The following WNK1 variants were observed in gnomAD, a reference collection of about 807,000 sequenced individuals.
WNK1 encodes the protein serine/threonine-protein kinase WNK1.
A neutral mutation model predicts 222.8 loss-of-function variants in WNK1; 38 were observed. The ratio of observed to expected loss-of-function variants is 0.17; its 90% CI spans 0.13 to 0.22. WNK1 has a LOEUF of 0.22. Ranked by LOEUF, WNK1 falls within the 10% of genes least tolerant of loss-of-function variation. WNK1 has a pLI of 1.00. For missense variants in WNK1, 2,348 were observed against 2,918.4 expected, an observed-to-expected ratio of 0.80 and a Z score of 4.50; for synonymous variants, 1,090 against 1,092.9, an observed-to-expected ratio of 1.00 and a Z score of 0.05.
chr12:865,247 C>T, intron 8 of WNK1: 1 of 1,536,120 alleles, frequency 6.5e-7, no homozygotes, highest in South Asian at 1.2e-5. Flanking sequence ...CTCCGGACTG[C>T]CCCGAGGAAA....
intron 1 of WNK1, among the ~76,000 whole-genome samples, chr12:808,295 CT>C (rs1388514859): frequency 6.7e-6 from 1 of 149,422 alleles, no homozygotes; most frequent in Non-Finnish European, 1.5e-5. Flanking sequence ...CTTTTTTTTT[CT>C]TTTTTCTTTT....
chr12:907,090 C>T (rs186735033), intron 26 of WNK1, among the ~76,000 whole-genome samples: 159 of 144,968 alleles, frequency 1.1e-3, no homozygotes, highest in African/African-American at 3.9e-3. Flanking sequence ...GAGGCCAAGG[C>T]GGGCGGATCA....
At position 885,719 on chromosome 12, in the gene WNK1, G is replaced by T; in HGVS notation, c.4915G>T (p.Asp1639Tyr). Residue 1639 changes from aspartate (D) to tyrosine (Y), a missense_variant, in exon 19 of 28, where the codon GAT (aspartate) becomes TAT (tyrosine). Asp to Tyr is a radical substitution (Grantham distance 160). Transcript: ENST00000315939. The part of the protein sequence containing the change: ...NQPHTHCPEV[D>Y]SDTQPKAPGI... ...GCCCCATACTCATTGTCCTGAAGTA[G>T]ATTCTGATACACAACCCAAAGCTCC... 1 of 1,614,148 alleles carries T rather than the reference G, an allele frequency of 6.2e-7. No homozygotes were observed. The highest frequency in any genetic ancestry group is 8.5e-7 in the Non-Finnish European group (1 of 1,180,034).
chr12:851,874 T>G, intron 4 of WNK1: 2 of 1,069,884 alleles, frequency 1.9e-6, no homozygotes, highest in Non-Finnish European at 2.4e-6. Flanking sequence ...ATTGTTAACT[T>G]TCAGTTAAAG....
intron 1 of WNK1, among the ~76,000 whole-genome samples, chr12:777,779 A>C (rs934380658): frequency 1.3e-5 from 2 of 152,218 alleles, no homozygotes; most frequent in African/African-American, 4.8e-5. Flanking sequence ...CATGGTAGCT[A>C]TTTAAGAAAA....
chr12:774,035 A>G (rs1465375329), intron 1 of WNK1, among the ~76,000 whole-genome samples: 2 of 152,170 alleles, frequency 1.3e-5, no homozygotes, highest in Non-Finnish European at 2.9e-5. Flanking sequence ...CCCTGCACAA[A>G]TCCCCCTCCC....
intron 1 of WNK1, among the ~76,000 whole-genome samples, chr12:796,546 G>A (rs1030494783): frequency 1.3e-5 from 2 of 152,176 alleles, no homozygotes; most frequent in African/African-American, 4.8e-5. Context: ...AAAGTGCTGG[G>A]ATTACAGGCA....
At chr12:826,240 G>A (rs1158845750) in intron 2 of WNK1, among the ~76,000 whole-genome samples, 1 of 152,228 alleles carries the variant, frequency 6.6e-6, no homozygotes, top group Non-Finnish European at 1.5e-5. Flanking sequence ...TGTGGCTAGT[G>A]CAACTGAGAA....
At chr12:903,817 T>C (rs1300492243) in intron 26 of WNK1, among the ~76,000 whole-genome samples, 1 of 152,210 alleles carries the variant, frequency 6.6e-6, no homozygotes. Flanking sequence ...TTGAGATGTA[T>C]TATTCTATGC....
At chr12:891,540 A>G (rs1954227924) in intron 22 of WNK1, among the ~76,000 whole-genome samples, 1 of 152,100 alleles carries the variant, frequency 6.6e-6, no homozygotes. Flanking sequence ...GTCCAAGTGG[A>G]CCAAAGATGA....
At chr12:908,204 T>G in intron 27 of WNK1, 170 bp downstream of exon 27, 1 of 927,438 alleles carries the variant, frequency 1.1e-6, no homozygotes, top group Admixed American at 2.2e-5. Context: ...CTTCCCTGAA[T>G]TCCTAACCTC....
chr12:861,340 T>C lies in WNK1; in HGVS notation c.1948T>C (p.Leu650=). Residue 650 remains leucine (L), a synonymous_variant, in exon 7 of 28, where the codon TTA becomes CTA. Coordinates refer to ENST00000315939, the MANE Select transcript of WNK1 (RefSeq NM_018979.4). ...LQYQQPSISV[L]SDGTVDSGQG... is the part of the protein sequence containing the mutation. ...GTACCAGCAACCCAGTATATCTGTG[T>C]TATGTACGTATCTTGGGAAGTGGAC... 1 of 1,614,046 alleles carries C rather than the reference T, an allele frequency of 6.2e-7. No homozygotes were observed. The highest frequency in any genetic ancestry group is 8.5e-7 in the Non-Finnish European group (1 of 1,179,908).
chr12:785,687 A>G lies in WNK1; in HGVS notation c.760-27955A>G, dbSNP rs188694307. The stretch of plus-strand genomic sequence containing the variant: ...GCTGGGATTACAAGCGTGAGCCACC[A>G]CATGACCCTGCCTTTTCCAGGTTCC... On this transcript the variant is annotated intron_variant, in intron 1 of 27. Coordinates refer to ENST00000315939, the MANE Select transcript of WNK1 (RefSeq NM_018979.4). Among the ~76,000 whole-genome samples, 140 of 152,242 alleles carry G rather than the reference A, an allele frequency of 9.2e-4. No homozygotes were observed. In the Middle Eastern group the frequency reaches 0.01, roughly 11 times the overall value.
intron 27 of WNK1, 148 bp downstream of exon 27, chr12:908,182 C>T: frequency 9.2e-7 from 1 of 1,086,230 alleles, no homozygotes; most frequent in Non-Finnish European, 1.3e-6. Context: ...CCCAGGTACC[C>T]TTTTATTTTT....
At chr12:860,585 G>C (rs937046758) in intron 6 of WNK1, among the ~76,000 whole-genome samples, 1 of 152,116 alleles carries the variant, frequency 6.6e-6, no homozygotes, top group South Asian at 2.1e-4. Context: ...CTTCATATTC[G>C]TACCACAGTT....
chr12:765,392 A>G (rs1941561413), intron 1 of WNK1, among the ~76,000 whole-genome samples: 1 of 146,792 alleles, frequency 6.8e-6, no homozygotes, highest in South Asian at 2.2e-4. Flanking sequence ...CAAAAAATTA[A>G]AAAATTAGCT....
chr12:786,942 T>C (rs1041556572), intron 1 of WNK1, among the ~76,000 whole-genome samples: 2 of 152,086 alleles, frequency 1.3e-5, no homozygotes, highest in Non-Finnish European at 2.9e-5. Flanking sequence ...TCTATGTGTT[T>C]TAATTGGTAT....
Position 882,062 on chromosome 12 carries a change from A to G in WNK1, c.3361A>G (p.Arg1121Gly). 6.2e-7 allele frequency: 1 copy of G among 1,612,056 alleles called. No homozygotes were observed. The highest frequency in any genetic ancestry group is 8.5e-7 in the Non-Finnish European group (1 of 1,178,866). The change falls in exon 14 of 28, where the codon AGA (arginine) becomes GGA (glycine). Residue 1121 changes from arginine to glycine, a missense_variant. This residue lies in a region of WNK1 where 20 missense variants were observed against 65.0 expected (regional missense o/e 0.31). Transcript: ENST00000315939. ...TGAAAAAACTTCACGCCCAAAATTA[A>G]GAATTTTGAATGTAAGTATTCCTAA... is the stretch of plus-strand genomic sequence containing the variant. ...RHEKTSRPKLRILNVSNKGDR... is the reference protein window; with the variant it reads ...RHEKTSRPKLGILNVSNKGDR...
At chr12:875,753 A>G (rs919447131) in intron 9 of WNK1, among the ~76,000 whole-genome samples, 3 of 152,234 alleles carry the variant, frequency 2.0e-5, no homozygotes, top group Admixed American at 1.3e-4. Context: ...GAGCGTTCAT[A>G]ATTTAGCTTC....
Sources: gnomAD v4.1 joint callset for allele counts (sites outside exome capture counted in the v4.1 genomes callset) on GRCh38, gnomAD v4.1.1 for gene constraint, gnomAD v4.1.1 regional missense constraint, MANE v1.5 for transcripts, NCBI Gene and HGNC (gene_info 2026-07-23, HGNC 2026-07-21) for gene names.